The following EPHA5 variants were observed in gnomAD, a reference collection of about 807,000 sequenced individuals.
EPHA5 encodes EPH receptor A5, also known as ephrin type-A receptor 5.
A neutral mutation model predicts 105.0 loss-of-function variants in EPHA5; 60 were observed. That is an observed-to-expected ratio of 0.57 (90% confidence interval 0.46 to 0.71). The LOEUF (loss-of-function observed/expected upper bound fraction) is 0.71. Ranked by LOEUF, EPHA5 falls within the 30% of genes least tolerant of loss-of-function variation. The pLI, the probability that EPHA5 is intolerant of heterozygous loss-of-function variation, is 0.00. For synonymous variants in EPHA5, 513 were observed against 449.1 expected, an observed-to-expected ratio of 1.14 and a Z score of -1.80; for missense variants, 1,218 against 1,274.7, an observed-to-expected ratio of 0.96 and a Z score of 0.68.
At chr4:65,438,242 C>A (rs76617332) in intron 5 of EPHA5, among the ~76,000 whole-genome samples, 11,091 of 151,928 alleles carry the variant, frequency 0.073, 623 homozygotes, top group Non-Finnish European at 0.11. Flanking sequence ...ATAACAATAA[C>A]AAAATGTTCA....
chr4:65,362,117 A>G (rs1456941567), intron 11 of EPHA5, among the ~76,000 whole-genome samples: 1 of 151,546 alleles, frequency 6.6e-6, no homozygotes, highest in Admixed American at 6.6e-5. Context: ...GTATCTATTT[A>G]TGATGGTTGC....
In EPHA5 at chr4:65,670,338, G is replaced by A. The variant is rs2149574073; in HGVS notation, c.-596C>T. On this transcript the variant is annotated 5_prime_UTR_variant, in exon 1 of 17. Coordinates refer to ENST00000613740, the MANE Select transcript of EPHA5 (RefSeq NM_001281766.3). ...GCTGCGGGCTGAGTGCTGAAGAGGG[G>A]AGGGACTGACGGCTGCCGGCCGGTA... 4.3e-6 allele frequency: 1 copy of A among 233,730 alleles called. No individual in the cohort carries two copies. Among genetic ancestry groups the A allele is most frequent in the East Asian group, 6.0e-5 (1 of 16,582 alleles). 14.5% of individuals were successfully genotyped at this position (233,730 alleles called of 1,614,324 possible).
At chr4:65,498,248 G>C (rs1487274929) in intron 3 of EPHA5, among the ~76,000 whole-genome samples, 1 of 151,838 alleles carries the variant, frequency 6.6e-6, no homozygotes, top group Non-Finnish European at 1.5e-5. Context: ...ACAGGACAGA[G>C]GGCACCAGGC....
intron 5 of EPHA5, among the ~76,000 whole-genome samples, chr4:65,443,601 G>A (rs1048787969): frequency 6.6e-6 from 1 of 152,048 alleles, no homozygotes; most frequent in East Asian, 1.9e-4. Context: ...CAATGAGGCT[G>A]GTTCTAGCAA....
chr4:65,581,176 C>T (rs547441085), intron 3 of EPHA5, among the ~76,000 whole-genome samples: 2 of 151,870 alleles, frequency 1.3e-5, no homozygotes, highest in East Asian at 3.9e-4. Context: ...TTTCCTTTGT[C>T]TTGTCACTTC....
At chr4:65,545,724 T>C (rs1578390122) in intron 3 of EPHA5, among the ~76,000 whole-genome samples, 1 of 151,946 alleles carries the variant, frequency 6.6e-6, no homozygotes, top group Non-Finnish European at 1.5e-5. Flanking sequence ...CTGTTATATA[T>C]GCCACACATA....
At position 65,333,402 on chromosome 4, in the gene EPHA5, T is replaced by C. The variant is rs886649990; in HGVS notation, c.2790-1274A>G. On this transcript the variant is annotated intron_variant, in intron 15 of 16. Transcript: ENST00000613740. ...TTTTGCCAAAATCTGTGAGCACTTT[T>C]CAAACTACAAAATGACTGACCTCTT... Among the ~76,000 whole-genome samples, 4 of 151,592 alleles carry C rather than the reference T, an allele frequency of 2.6e-5. No homozygotes were observed. The East Asian group carries it at 5.8e-4, about 22-fold the overall frequency.
rs5858966 is a variant in EPHA5 at position 65,540,865 on chromosome 4, T to TAA, written c.911-45324_911-45323dup. Among the ~76,000 whole-genome samples the TAA allele has an allele frequency of 2.3e-4, 33 of 142,628 alleles. 1 individual carries two copies. Among genetic ancestry groups the TAA allele is most frequent in the Middle Eastern group, 3.5e-3 (1 of 282 alleles). The allele number at this position is 142,628 out of a possible 152,430, so 93.6% of individuals were successfully genotyped here. ...CAGAATCACATAGCAGTCAATTTTA[T>TAA]AAAAAAAAAAAAACAAAAATCATTT... On this transcript the variant is annotated intron_variant, in intron 3 of 16. Transcript: ENST00000613740.
chr4:65,498,170 G>A (rs947005032), intron 3 of EPHA5, among the ~76,000 whole-genome samples: 1 of 151,886 alleles, frequency 6.6e-6, no homozygotes, highest in East Asian at 1.9e-4. Flanking sequence ...AGAACAAATA[G>A]CGAAATGGAA....
intron 3 of EPHA5, among the ~76,000 whole-genome samples, chr4:65,499,109 C>T (rs1200014855): frequency 6.6e-6 from 1 of 151,542 alleles, no homozygotes. Context: ...GTTTCTGTTA[C>T]TATCAGCTGA....
intron 3 of EPHA5, among the ~76,000 whole-genome samples, chr4:65,571,011 C>T (rs72642638): frequency 0.23 from 34,751 of 151,700 alleles, 4,448 homozygotes; most frequent in East Asian, 0.52. Context: ...CTCTCCCTTC[C>T]GCTGCCCACT....
At chr4:65,541,127 C>T (rs1166613852) in intron 3 of EPHA5, among the ~76,000 whole-genome samples, 1 of 151,268 alleles carries the variant, frequency 6.6e-6, no homozygotes, top group Non-Finnish European at 1.5e-5. Context: ...AAGGAAAAAT[C>T]GGTATCAGCC....
chr4:65,637,569 CATATATAT>C lies in EPHA5; in HGVS notation c.246+5786_246+5793del, dbSNP rs34456844. 1.8e-3 allele frequency among the ~76,000 whole-genome samples: 201 copies of C among 112,434 alleles called. 2 individuals carry two copies. Among genetic ancestry groups the C allele is most frequent in the Middle Eastern group, 0.013 (2 of 160 alleles). 73.8% of individuals were successfully genotyped at this position (112,434 alleles called of 152,430 possible). A position where few individuals can be genotyped will look rare whatever the true frequency, so the allele number is the denominator to read the frequency against. On this transcript the variant is annotated intron_variant, in intron 2 of 16. Coordinates refer to ENST00000613740, the MANE Select transcript of EPHA5 (RefSeq NM_001281766.3). ...TATATATACACAAATATGAGTTTTGCATATATATATATATATATATATATATATACGTA... is the reference window on the plus strand; with the variant it reads ...TATATATACACAAATATGAGTTTTGCATATATATATATATATATATACGTA...
chr4:65,439,413 G>A (rs1018108248), intron 5 of EPHA5, among the ~76,000 whole-genome samples: 4 of 151,890 alleles, frequency 2.6e-5, no homozygotes, highest in Non-Finnish European at 4.4e-5. Context: ...TTGTTCCGCT[G>A]TTCCACATCT....
intron 5 of EPHA5, among the ~76,000 whole-genome samples, chr4:65,437,923 T>G (rs1725637347): frequency 6.6e-6 from 1 of 152,028 alleles, no homozygotes. Context: ...TCATTTTTTC[T>G]CTGTCCTATG....
At chr4:65,502,627 G>C (rs985271861) in intron 3 of EPHA5, among the ~76,000 whole-genome samples, 1 of 151,888 alleles carries the variant, frequency 6.6e-6, no homozygotes, top group Admixed American at 6.6e-5. Flanking sequence ...TGGAGAAAAG[G>C]AAATGCTTAT....
Position 65,414,325 on chromosome 4 carries a change from C to T in EPHA5, c.1646G>A (p.Gly549Asp), listed in dbSNP as rs551656821. ...AAACTCAAATCTTCGACTGAAGACA[C>T]CATAGCCTGCTGCTGTACGTGCTCG... ...QIRARTAAGY[G>D]VFSRRFEFET... The change falls in exon 7 of 17, where the codon GGT becomes GAT. Residue 549 changes from glycine (G) to aspartate (D), a missense_variant. Gly to Asp is a moderately conservative substitution (Grantham distance 94). Transcript: ENST00000613740. 1 of 1,613,956 alleles carries T rather than the reference C, an allele frequency of 6.2e-7. No individual in the cohort carries two copies. The highest frequency in any genetic ancestry group is 8.5e-7 in the Non-Finnish European group (1 of 1,179,904).
intron 5 of EPHA5, among the ~76,000 whole-genome samples, chr4:65,473,200 A>T (rs1018219159): frequency 1.2e-4 from 19 of 152,132 alleles, no homozygotes; most frequent in Admixed American, 1.1e-3. Context: ...AAAACATTCA[A>T]GTCTCTAGGA....
chr4:65,325,689 T>C lies in EPHA5; in HGVS notation c.2946-1470A>G, dbSNP rs558714312. On this transcript the variant is annotated intron_variant, in intron 16 of 16. Transcript: ENST00000613740. ...CATTATTATTAATAATGGAATAGAC[T>C]ACAAGCTAGCTAATTACAGACCAAA... Among the ~76,000 whole-genome samples the C allele has an allele frequency of 2.2e-4, 34 of 151,436 alleles. No homozygotes were observed. The South Asian group carries it at 7.1e-3, about 31-fold the overall frequency.
Sources: gnomAD v4.1 joint callset for allele counts (sites outside exome capture counted in the v4.1 genomes callset) on GRCh38, gnomAD v4.1.1 for gene constraint, MANE v1.5 for transcripts, NCBI Gene and HGNC (gene_info 2026-07-23, HGNC 2026-07-21) for gene names.